ACBD4: variants seen among roughly 807,000 people sequenced by gnomAD.
ACBD4 encodes acyl-CoA-binding domain-containing protein 4.
ACBD4 carries 41 observed loss-of-function variants against 46.0 expected under a neutral mutation model. The ratio of observed to expected loss-of-function variants is 0.89; its 90% confidence interval spans 0.69 to 1.16. The LOEUF is 1.16. ACBD4 is among the 50% of genes most tolerant of loss of function. The probability of loss-of-function intolerance (pLI) is 0.00; values close to 1 mark genes in which losing one functional copy is unlikely to be tolerated. For synonymous variants in ACBD4, 162 were observed against 155.9 expected (o/e 1.04, Z -0.29); for missense variants, 393 against 399.5 (o/e 0.98, Z 0.14).
intron 8 of ACBD4, 144 bp from the exon 9 acceptor site, chr17:45,138,877 T>C (rs2055068871): frequency 8.4e-6 from 7 of 836,230 alleles, no homozygotes; most frequent in Admixed American, 2.2e-5. Flanking sequence ...CTCAGCTACA[T>C]AGATGGACTT....
At chr17:45,134,703 G>A (rs774630998), upstream of ACBD4, among the ~76,000 whole-genome samples, 301 of 152,100 alleles carry the variant, frequency 2.0e-3, no homozygotes, top group Non-Finnish European at 3.7e-3. Context: ...CGTGAACCCG[G>A]GAGGCGGAGA....
At chr17:45,132,516 A>G (rs1026856403), upstream of ACBD4, 21 of 574,676 alleles carry the variant, frequency 3.7e-5, no homozygotes, top group Admixed American at 1.1e-4. The surrounding 1 kb of genome is among the most constrained non-coding windows in gnomAD (Gnocchi z 4.6). Context: ...GCGAGCGAAG[A>G]AACTTAGCGG....
Position 45,137,005 on chromosome 17 carries a change from C to T in ACBD4, c.295-14C>T. The stretch of plus-strand genomic sequence containing the variant: ...GGAGGCCACTCCGTCCCCAACAGAC[C>T]CCCTCCCCTACAGGTGATCGACACA... On this transcript the variant is annotated splice_polypyrimidine_tract_variant and intron_variant, in intron 4 of 9. Coordinates refer to ENST00000321854, the MANE Select transcript of ACBD4 (RefSeq NM_001135705.3). 6.2e-7 allele frequency: 1 copy of T among 1,614,014 alleles called. No individual in the cohort carries two copies. The highest frequency in any genetic ancestry group is 8.5e-7 in the Non-Finnish European group (1 of 1,179,958).
chr17:45,133,240 T>G (rs1489216786), upstream of ACBD4: 3 of 152,200 alleles, frequency 2.0e-5, no homozygotes, highest in Non-Finnish European at 4.4e-5. Flanking sequence ...CCGAGTCGGG[T>G]GTGCACTTAC....
At chr17:45,140,658 C>CAAAA (rs35492972) in intron 9 of ACBD4, among the ~76,000 whole-genome samples, 1,686 of 130,808 alleles carry the variant, frequency 0.013, 29 homozygotes, top group South Asian at 0.043. Flanking sequence ...GATCCTGCCT[C>CAAAA]AAAAAAAAAA....
chr17:45,136,386 G>C, intron 2 of ACBD4, 114 bp from the exon 3 acceptor site: 1 of 1,456,940 alleles, frequency 6.9e-7, no homozygotes, highest in South Asian at 1.2e-5. Flanking sequence ...TAGTCCAGAT[G>C]CCCTGGGTGG....
At chr17:45,137,629 G>A (rs537604312) in intron 6 of ACBD4, 131 bp from the exon 7 acceptor site, 85 of 1,330,594 alleles carry the variant, frequency 6.4e-5, no homozygotes, top group Non-Finnish European at 8.9e-5. Context: ...GCCCATCTGT[G>A]CCTCAGGTGT....
Position 45,137,849 on chromosome 17 carries a change from C to A in ACBD4, c.573+19C>A, listed in dbSNP as rs769610747. The A allele has an allele frequency of 1.2e-6, 2 of 1,610,414 alleles. No homozygotes were observed. The highest frequency in any genetic ancestry group is 1.7e-5 in the Admixed American group (1 of 59,996). On this transcript the variant is annotated intron_variant, in intron 7 of 9. Coordinates refer to ENST00000321854, the MANE Select transcript of ACBD4 (RefSeq NM_001135705.3). Reference sequence around the variant, plus strand: ...TGAGCTGGTGAGCCCAGTCCCCATTCCCCCCTTTTCCCACCCCACTGTGCT... The same window carrying A: ...TGAGCTGGTGAGCCCAGTCCCCATTACCCCCTTTTCCCACCCCACTGTGCT...
chr17:45,132,525 G>A (rs990761938), upstream of ACBD4: 1 of 441,986 alleles, frequency 2.3e-6, no homozygotes. This position sits in a 1 kb window ranked among gnomAD's most constrained non-coding sequence, Gnocchi z 4.6. Flanking sequence ...GAAACTTAGC[G>A]GCGCGGGAGG....
In ACBD4 at chr17:45,135,804, C is replaced by T. The variant is rs115270063; in HGVS notation, c.-187C>T. The T allele has an allele frequency of 4.2e-3, 969 of 230,824 alleles. 14 individuals carry two copies. Among genetic ancestry groups the T allele is most frequent in the African/African-American group, 0.021 (936 of 43,732 alleles). The allele number at this position is 230,824 out of a possible 1,614,324, so 14.3% of individuals were successfully genotyped here. ...AGGGTGGGAGACTGTTCGCCCCGCC[C>T]TGAGTACTCCTATCTTGTTTCTCCA... On this transcript the variant is annotated 5_prime_UTR_variant, in exon 1 of 10. Transcript: ENST00000321854.
At chr17:45,140,965 A>G (rs1366634416) in intron 9 of ACBD4, among the ~76,000 whole-genome samples, 1 of 152,194 alleles carries the variant, frequency 6.6e-6, no homozygotes, top group Non-Finnish European at 1.5e-5. Flanking sequence ...GTGAGCTGAG[A>G]TGGTGCCATT....
intron 9 of ACBD4, 39 bp from the exon 10 acceptor site, chr17:45,143,404 G>A: frequency 1.9e-6 from 3 of 1,549,032 alleles, no homozygotes; most frequent in Non-Finnish European, 2.6e-6. Flanking sequence ...CTGTGCTGAG[G>A]CCTGGACTGG....
chr17:45,136,232 G>C lies in ACBD4; in HGVS notation c.88G>C (p.Gly30Arg), dbSNP rs530539203. Residue 30 changes from glycine to arginine, a missense_variant and splice_region_variant, in exon 2 of 10, where the codon GGT becomes CGT. Gly to Arg is a moderately radical substitution (Grantham distance 125). Coordinates refer to ENST00000321854, the MANE Select transcript of ACBD4 (RefSeq NM_001135705.3). ...CGTCATCCAGAACCTGCCCAAGAAC[G>C]GTGAGGCTGCGGGGACTCGCATTTG... ...VSVIQNLPKN[G>R]SYRPSYEEML... 1.2e-6 allele frequency: 2 copies of C among 1,612,946 alleles called. No homozygotes were observed. The highest frequency in any genetic ancestry group is 1.7e-6 in the Non-Finnish European group (2 of 1,179,550).
chr17:45,142,578 T>C, intron 9 of ACBD4: 1 of 217,462 alleles, frequency 4.6e-6, no homozygotes. Context: ...TTTTTTGAGA[T>C]GCAGTCTCAC....
intron 9 of ACBD4, among the ~76,000 whole-genome samples, chr17:45,139,659 T>C (rs1017045140): frequency 1.3e-5 from 2 of 152,196 alleles, no homozygotes; most frequent in African/African-American, 4.8e-5. Flanking sequence ...GAAACACTCA[T>C]GGGCATCTTC....
intron 9 of ACBD4, among the ~76,000 whole-genome samples, chr17:45,140,446 G>C (rs1470634221): frequency 6.7e-6 from 1 of 150,226 alleles, no homozygotes; most frequent in African/African-American, 2.4e-5. Context: ...CTCCCAAAGT[G>C]CTGGGATTAC....
intron 8 of ACBD4, chr17:45,138,209 G>A (rs2054999506): frequency 5.0e-6 from 3 of 600,042 alleles, no homozygotes; most frequent in Non-Finnish European, 8.9e-6. Context: ...CCAGGAGTCT[G>A]CACCCTCTGC....
rs532290222 is a variant in ACBD4 at position 45,142,700 on chromosome 17, C to T, written c.790-743C>T. On this transcript the variant is annotated intron_variant, in intron 9 of 9. Coordinates refer to ENST00000321854, the MANE Select transcript of ACBD4 (RefSeq NM_001135705.3). Reference sequence around the variant, plus strand: ...CCTCCCGAGTAGCTGGGATTACAGGCGCCCACCACCATGCCCGGCTAATTT... The same window carrying T: ...CCTCCCGAGTAGCTGGGATTACAGGTGCCCACCACCATGCCCGGCTAATTT... 29 of 158,262 alleles carry T rather than the reference C, an allele frequency of 1.8e-4. No homozygotes were observed. The South Asian group carries it at 3.4e-3, about 18-fold the overall frequency. The allele number at this position is 158,262 out of a possible 1,614,324, so 9.8% of individuals were successfully genotyped here.
Position 45,135,905 on chromosome 17 carries a change from C to A in ACBD4, c.-86C>A. On this transcript the variant is annotated 5_prime_UTR_variant, in exon 1 of 10. Transcript: ENST00000321854. ...GACACATCTGGCACTGAGGCCCTCG[C>A]CACCTGCCTCGCCACCTGGCGACCC... 1 of 521,176 alleles carries A rather than the reference C, an allele frequency of 1.9e-6. No homozygotes were observed. Among genetic ancestry groups the A allele is most frequent in the Non-Finnish European group, 3.5e-6 (1 of 288,918 alleles). 32.3% of individuals were successfully genotyped at this position (521,176 alleles called of 1,614,324 possible).
Sources: gnomAD v4.1 joint callset for allele counts (sites outside exome capture counted in the v4.1 genomes callset) on GRCh38, gnomAD v4.1.1 for gene constraint, Gnocchi (gnomAD v3.1) non-coding constraint, MANE v1.5 for transcripts, NCBI Gene and HGNC (gene_info 2026-07-23, HGNC 2026-07-21) for gene names.